Variants in ZBTB21 observed in about 807,000 individuals in gnomAD.
The protein encoded by ZBTB21 is zinc finger and BTB domain containing 21.
In ZBTB21, 10 loss-of-function variants were observed where a neutral mutation model predicts 39.8. The observed-to-expected ratio is 0.25, with a 90% CI of 0.16 to 0.43. The LOEUF is 0.43. Among genes scored for constraint, ZBTB21 ranks in the 20% least tolerant of loss-of-function variants. The pLI is 1.00. For synonymous variants in ZBTB21, 551 were observed against 498.8 expected, an observed-to-expected ratio of 1.10 and a Z score of -1.40; for missense variants, 1,221 against 1,296.3, an observed-to-expected ratio of 0.94 and a Z score of 0.89.
In ZBTB21 at chr21:41,993,894, T is replaced by C; in HGVS notation, c.202A>G (p.Thr68Ala). The C allele has an allele frequency of 6.2e-7, 1 of 1,614,064 alleles. No individual in the cohort carries two copies. The highest frequency in any genetic ancestry group is 8.5e-7 in the Non-Finnish European group (1 of 1,179,946). Residue 68 changes from threonine to alanine, a missense_variant, in exon 3 of 3, where the codon ACT (threonine) becomes GCT (alanine). By Grantham distance (58) the Thr-to-Ala change is moderately conservative. Around this residue, in one of 4 missense-constraint regions of ZBTB21, gnomAD observed 108 missense variants for 155.0 expected, o/e 0.70. Coordinates refer to ENST00000310826, the MANE Select transcript of ZBTB21 (RefSeq NM_001098402.2). ...LFTNKENESQTVFQLDFCEPD... is the reference protein window; with the variant it reads ...LFTNKENESQAVFQLDFCEPD... ...TCACAGAAGTCAAGCTGAAATACAG[T>C]TTGTGACTCATTTTCCTTATTTGTG...
intron 1 of ZBTB21, among the ~76,000 whole-genome samples, chr21:42,006,812 A>G (rs2065884556): frequency 6.6e-6 from 1 of 152,254 alleles, no homozygotes; most frequent in South Asian, 2.1e-4. Flanking sequence ...AACTGATGTA[A>G]CTGGTGTTCT....
chr21:41,990,997 G>T lies in ZBTB21; in HGVS notation c.3099C>A (p.Pro1033=), dbSNP rs1174983170. The change falls in exon 3 of 3, where the codon CCC becomes CCA. Residue 1033 remains proline (P), a synonymous_variant. Coordinates refer to ENST00000310826, the MANE Select transcript of ZBTB21 (RefSeq NM_001098402.2). Reference sequence around the variant, plus strand: ...GTCTTTTAAATGTGATTGCTGAAAGGGGTGGGGCATGGTAAAAAAGGGTGT... The same window carrying T: ...GTCTTTTAAATGTGATTGCTGAAAGTGGTGGGGCATGGTAAAAAAGGGTGT... ...ESDTLFYHAP[P]LSAITFKRQF... is the part of the protein sequence containing the mutation. 1 of 1,557,142 alleles carries T rather than the reference G, an allele frequency of 6.4e-7. No individual in the cohort carries two copies. The highest frequency in any genetic ancestry group is 8.7e-7 in the Non-Finnish European group (1 of 1,154,138).
chr21:41,993,061 C>T lies in ZBTB21; in HGVS notation c.1035G>A (p.Ser345=), dbSNP rs749533588. 4.2e-5 allele frequency: 68 copies of T among 1,614,074 alleles called. No homozygotes were observed. The East Asian group carries it at 5.1e-4, about 12-fold the overall frequency. ...AATAGACAGGAACCTGGCTATCCAT[C>T]GACAATGACCGTCTGAGGAGACTCT... ...LVKSLLRRSL[S]MDSQVPVYSP... The change falls in exon 3 of 3, where the codon TCG becomes TCA. Residue 345 remains serine, a synonymous_variant. Transcript: ENST00000310826.
At chr21:42,005,870 G>A (rs2065872563) in intron 1 of ZBTB21, among the ~76,000 whole-genome samples, 2 of 152,152 alleles carry the variant, frequency 1.3e-5, no homozygotes, top group Admixed American at 1.3e-4. Context: ...AAATAAAAAA[G>A]ACAACCTCAG....
At chr21:41,997,595 A>C (rs544526789) in intron 2 of ZBTB21, among the ~76,000 whole-genome samples, 10 of 138,204 alleles carry the variant, frequency 7.2e-5, no homozygotes, top group Admixed American at 2.1e-4. Flanking sequence ...AAAAACAAAA[A>C]AACAAAAAAA....
chr21:42,010,128 G>T, intron 1 of ZBTB21, 124 bp downstream of exon 1: 1 of 388,652 alleles, frequency 2.6e-6, no homozygotes, highest in Non-Finnish European at 4.5e-6. Context: ...CCCGCTGGTG[G>T]AGAAAAAAGA....
intron 1 of ZBTB21, among the ~76,000 whole-genome samples, chr21:42,004,905 T>C (rs781003438): frequency 9.2e-5 from 14 of 152,256 alleles, no homozygotes; most frequent in Non-Finnish European, 1.9e-4. Flanking sequence ...TTGATGGTGA[T>C]AGGAAGTTGC....
In ZBTB21 at chr21:41,993,323, A is replaced by G; in HGVS notation, c.773T>C (p.Val258Ala). The change falls in exon 3 of 3, where the codon GTG becomes GCG. Residue 258 changes from valine (V) to alanine (A), a missense_variant. Val to Ala is a moderately conservative substitution (Grantham distance 64, BLOSUM62 0). Transcript: ENST00000310826. ...TTTTCCTTTTGGAAGCTGACCACTCACACCTGGTTTATCATCCATAGCTTC... is the reference window on the plus strand; with the variant it reads ...TTTTCCTTTTGGAAGCTGACCACTCGCACCTGGTTTATCATCCATAGCTTC... ...DREAMDDKPG[V>A]SGQLPKGKAL... The G allele has an allele frequency of 6.2e-7, 1 of 1,613,532 alleles. No homozygotes were observed. Among genetic ancestry groups the G allele is most frequent in the Non-Finnish European group, 8.5e-7 (1 of 1,179,922 alleles).
At chr21:42,003,131 C>T (rs2065837814) in intron 1 of ZBTB21, among the ~76,000 whole-genome samples, 170 bp from the exon 2 acceptor site, 1 of 152,228 alleles carries the variant, frequency 6.6e-6, no homozygotes, top group Admixed American at 6.5e-5. Flanking sequence ...GTTTCCTTAC[C>T]TGTTAAACAT....
Position 41,990,767 on chromosome 21 carries a change from A to T in ZBTB21, c.*128T>A. 3 of 948,850 alleles carry T rather than the reference A, an allele frequency of 3.2e-6. No individual in the cohort carries two copies. The highest frequency in any genetic ancestry group is 4.4e-6 in the Non-Finnish European group (3 of 689,186). The allele number at this position is 948,850 out of a possible 1,614,324, so 58.8% of individuals were successfully genotyped here. A position where few individuals can be genotyped will look rare whatever the true frequency, so the allele number is the denominator to read the frequency against. ...GTAATTATCAATTTGCCTCCAACTTAATTTCAAGCGTAACAATCTCCAACC... is the reference window on the plus strand; with the variant it reads ...GTAATTATCAATTTGCCTCCAACTTTATTTCAAGCGTAACAATCTCCAACC... On this transcript the variant is annotated 3_prime_UTR_variant, in exon 3 of 3. Coordinates refer to ENST00000310826, the MANE Select transcript of ZBTB21 (RefSeq NM_001098402.2).
chr21:42,000,521 G>C (rs917950061), intron 2 of ZBTB21, among the ~76,000 whole-genome samples: 1 of 152,082 alleles, frequency 6.6e-6, no homozygotes, highest in Admixed American at 6.6e-5. Flanking sequence ...TAAACCAAGG[G>C]GAGTTTTCTA....
rs2065602137 is a variant in ZBTB21 at position 41,988,107 on chromosome 21, A to G, written c.*2788T>C. The G allele has an allele frequency of 6.6e-6, 1 of 152,200 alleles. No homozygotes were observed. The highest frequency in any genetic ancestry group is 1.5e-5 in the Non-Finnish European group (1 of 68,020). 9.4% of individuals were successfully genotyped at this position (152,200 alleles called of 1,614,324 possible). ...TAGTTTTAAAGGTGAATATTCTACA[A>G]ATCTTCAAATATTACTGTTAAAATG... On this transcript the variant is annotated 3_prime_UTR_variant, in exon 3 of 3. Coordinates refer to ENST00000310826, the MANE Select transcript of ZBTB21 (RefSeq NM_001098402.2).
chr21:41,996,869 G>A (rs1367453341), intron 2 of ZBTB21, among the ~76,000 whole-genome samples: 1 of 152,148 alleles, frequency 6.6e-6, no homozygotes, highest in Admixed American at 6.5e-5. Flanking sequence ...CAGGAGAGCT[G>A]ATGGTTTCAT....
chr21:42,008,127 C>G (rs2065902508), intron 1 of ZBTB21: 1 of 152,148 alleles, frequency 6.6e-6, no homozygotes, highest in South Asian at 2.1e-4. Flanking sequence ...TCCCTTATAG[C>G]CTATCACTGT....
At position 41,991,377 on chromosome 21, in the gene ZBTB21, T is replaced by A. The variant is rs775237726; in HGVS notation, c.2719A>T (p.Ser907Cys). Residue 907 changes from serine to cysteine, a missense_variant, in exon 3 of 3, where the codon AGC (serine) becomes TGC (cysteine). By Grantham distance (112) the Ser-to-Cys change is moderately radical (BLOSUM62 -1). Around this residue, in one of 4 missense-constraint regions of ZBTB21, gnomAD observed 523 missense variants for 542.5 expected, o/e 0.96. Coordinates refer to ENST00000310826, the MANE Select transcript of ZBTB21 (RefSeq NM_001098402.2). The surrounding 1 kb of genome is among the most constrained non-coding windows in gnomAD (Gnocchi z 4.9). ...CCACACTTCTCGCAGGGCCACAGGC[T>A]GGCTTCTTTGCTAGGACCCGCTTCT... ...PKEAGPSKEA[S>C]LWPCEKCGKM... 1.2e-6 allele frequency: 2 copies of A among 1,606,476 alleles called. No individual in the cohort carries two copies. Among genetic ancestry groups the A allele is most frequent in the South Asian group, 2.2e-5 (2 of 90,166 alleles).
Position 41,991,001 on chromosome 21 carries a change from G to A in ZBTB21, c.3095C>T (p.Pro1032Leu). 1.3e-6 allele frequency: 2 copies of A among 1,560,120 alleles called. No individual in the cohort carries two copies. The highest frequency in any genetic ancestry group is 1.7e-6 in the Non-Finnish European group (2 of 1,155,582). The part of the protein sequence containing the change: ...QESDTLFYHA[P>L]PLSAITFKRQ... Reference sequence around the variant, plus strand: ...TTTAAATGTGATTGCTGAAAGGGGTGGGGCATGGTAAAAAAGGGTGTCTGA... The same window carrying A: ...TTTAAATGTGATTGCTGAAAGGGGTAGGGCATGGTAAAAAAGGGTGTCTGA... The change falls in exon 3 of 3, where the codon CCA becomes CTA. Residue 1032 changes from proline (P) to leucine (L), a missense_variant. Pro to Leu is a moderately conservative substitution (Grantham distance 98, BLOSUM62 -3). This residue lies in a region of ZBTB21 where 523 missense variants were observed against 542.5 expected (regional missense o/e 0.96). Transcript: ENST00000310826. This position sits in a 1 kb window ranked among gnomAD's most constrained non-coding sequence, Gnocchi z 4.9.
rs1303801491 is a variant in ZBTB21, at chr21:41,992,830, G to A, written c.1266C>T (p.Ser422=). The A allele has an allele frequency of 3.1e-6, 5 of 1,614,056 alleles. No homozygotes were observed. Among genetic ancestry groups the A allele is most frequent in the East Asian group, 2.2e-5 (1 of 44,904 alleles). Residue 422 remains serine, a synonymous_variant, in exon 3 of 3, where the codon TCC becomes TCT. Transcript: ENST00000310826. The surrounding 1 kb of genome is among the most constrained non-coding windows in gnomAD (Gnocchi z 4.1). The part of the protein sequence containing the change: ...ASQSTDREGA[S]PVTEVRIKTE... ...TCTTTATGCGCACCTCAGTCACAGG[G>A]GAAGCTCCCTCCCTGTCTGTTGACT... is the stretch of plus-strand genomic sequence containing the variant.
At position 41,991,875 on chromosome 21, in the gene ZBTB21, C is replaced by G. The variant is rs143766083; in HGVS notation, c.2221G>C (p.Glu741Gln). The G allele has an allele frequency of 2.5e-6, 4 of 1,614,038 alleles. No homozygotes were observed. In the African/African-American group the frequency reaches 4.0e-5, roughly 16 times the overall value. Residue 741 changes from glutamate (E) to glutamine (Q), a missense_variant, in exon 3 of 3, where the codon GAG becomes CAG. Physicochemically the swap from Glu to Gln is conservative, Grantham distance 29 (BLOSUM62 2). This residue lies in a region of ZBTB21 where 523 missense variants were observed against 542.5 expected (regional missense o/e 0.96). Coordinates refer to ENST00000310826, the MANE Select transcript of ZBTB21 (RefSeq NM_001098402.2). This position sits in a 1 kb window ranked among gnomAD's most constrained non-coding sequence, Gnocchi z 4.9. ...LSSLLEQGSH[E>Q]RLCRNAAVCP... ...ACGGCCGCGTTCCGGCACAGCCGCT[C>G]GTGGCTTCCTTGCTCTAGGAGAGAA...
intron 1 of ZBTB21, chr21:42,009,198 G>A (rs2065924016): frequency 6.6e-6 from 1 of 152,136 alleles, no homozygotes; most frequent in African/African-American, 2.4e-5. Flanking sequence ...AATCCCACCG[G>A]GGCACCTGTC....
Sources: allele counts gnomAD v4.1 joint callset (sites outside exome capture counted in the v4.1 genomes callset), GRCh38; gene constraint gnomAD v4.1.1; regional missense constraint gnomAD v4.1.1; non-coding constraint Gnocchi (gnomAD v3.1); transcripts MANE v1.5; gene names NCBI Gene and HGNC (gene_info 2026-07-23, HGNC 2026-07-21).